IQGAP2: variants seen among roughly 807,000 people sequenced by gnomAD.
IQGAP2 encodes the protein ras GTPase-activating-like protein IQGAP2.
IQGAP2 carries 173 observed loss-of-function variants against 201.3 expected under a neutral mutation model. That is an observed-to-expected ratio of 0.86 (90% CI 0.76 to 0.98). The LOEUF is 0.98. Among genes scored for constraint, IQGAP2 ranks in the 50% least tolerant of loss-of-function variants. The pLI is 0.00. For synonymous variants in IQGAP2, 675 were observed against 673.9 expected, an observed-to-expected ratio of 1.00 and a Z score of -0.03; for missense variants, 1,687 against 1,864.8, an observed-to-expected ratio of 0.90 and a Z score of 1.76.
chr5:76,559,845 C>T (rs1163642524), intron 2 of IQGAP2, among the ~76,000 whole-genome samples: 7 of 152,098 alleles, frequency 4.6e-5, no homozygotes, highest in African/African-American at 1.7e-4. Context: ...ACATAGTCCC[C>T]ACTGAGTGTG....
At chr5:76,427,759 G>A (rs1752094386) in intron 1 of IQGAP2, among the ~76,000 whole-genome samples, 2 of 152,206 alleles carry the variant, frequency 1.3e-5, no homozygotes, top group Admixed American at 1.3e-4. Context: ...GCCACATTTA[G>A]TAGTGAGGCT....
intron 1 of IQGAP2, among the ~76,000 whole-genome samples, chr5:76,440,206 C>T (rs1752950218): frequency 6.6e-6 from 1 of 152,088 alleles, no homozygotes; most frequent in Admixed American, 6.5e-5. Flanking sequence ...AAGATTTCTG[C>T]TGAAGTTAAG....
intron 1 of IQGAP2, among the ~76,000 whole-genome samples, chr5:76,449,678 C>A (rs964601649): frequency 2.6e-5 from 4 of 152,208 alleles, no homozygotes; most frequent in African/African-American, 9.6e-5. Context: ...AATTTTCCAT[C>A]CCTGCCTAGC....
At chr5:76,586,887 G>A (rs1405099514) in intron 5 of IQGAP2, among the ~76,000 whole-genome samples, 1 of 152,228 alleles carries the variant, frequency 6.6e-6, no homozygotes, top group Non-Finnish European at 1.5e-5. Flanking sequence ...CTGCTAAGAA[G>A]TGGGTTTGAG....
chr5:76,643,385 A>G (rs922513625), intron 17 of IQGAP2, among the ~76,000 whole-genome samples: 3 of 152,236 alleles, frequency 2.0e-5, no homozygotes, highest in African/African-American at 7.2e-5. Context: ...AGAATAGATG[A>G]CTAAAAACAC....
At chr5:76,453,364 G>A (rs1454526633) in intron 1 of IQGAP2, among the ~76,000 whole-genome samples, 1 of 152,102 alleles carries the variant, frequency 6.6e-6, no homozygotes, top group Non-Finnish European at 1.5e-5. Flanking sequence ...AGAGGAATAA[G>A]TTATGTGCTG....
intron 1 of IQGAP2, among the ~76,000 whole-genome samples, chr5:76,421,902 A>T (rs184898930): frequency 6.6e-6 from 1 of 152,084 alleles, no homozygotes; most frequent in African/African-American, 2.4e-5. Context: ...ATCTTGAACA[A>T]GGTCTTAACT....
At chr5:76,471,376 A>C (rs13190337) in intron 2 of IQGAP2, among the ~76,000 whole-genome samples, 15 of 144,880 alleles carry the variant, frequency 1.0e-4, no homozygotes, top group Non-Finnish European at 2.1e-4. Flanking sequence ...AAAAAAAAAA[A>C]AAAAAAAAAA....
At chr5:76,703,441 C>G (rs1006223100) in intron 35 of IQGAP2, among the ~76,000 whole-genome samples, 51 of 152,096 alleles carry the variant, frequency 3.4e-4, no homozygotes, top group Non-Finnish European at 1.0e-4. Flanking sequence ...CAGGCATTAG[C>G]CACCACACCT....
chr5:76,485,676 T>C (rs1281894860), intron 2 of IQGAP2, among the ~76,000 whole-genome samples: 1 of 151,672 alleles, frequency 6.6e-6, no homozygotes, highest in East Asian at 1.9e-4. Context: ...GTGGCCAGAG[T>C]TGGGTGTCAG....
intron 2 of IQGAP2, among the ~76,000 whole-genome samples, chr5:76,486,450 T>A (rs887720784): frequency 6.6e-6 from 1 of 152,228 alleles, no homozygotes; most frequent in Admixed American, 6.5e-5. Context: ...ATTAATATAC[T>A]GCTTTATGTT....
intron 30 of IQGAP2, among the ~76,000 whole-genome samples, chr5:76,687,535 A>G (rs1745889210): frequency 6.6e-6 from 1 of 152,152 alleles, no homozygotes; most frequent in South Asian, 2.1e-4. Context: ...GTATCAGTCC[A>G]TGGCCTGTTA....
At chr5:76,455,368 G>T (rs1261205837) in intron 1 of IQGAP2, among the ~76,000 whole-genome samples, 1 of 149,128 alleles carries the variant, frequency 6.7e-6, no homozygotes, top group Non-Finnish European at 1.5e-5. Flanking sequence ...CATGAGAATC[G>T]CTTGAACCCA....
intron 14 of IQGAP2, chr5:76,628,652 A>C: frequency 2.2e-6 from 1 of 454,138 alleles, no homozygotes. Flanking sequence ...AGGTCAGAGA[A>C]GGTTCTTAAG....
chr5:76,484,092 C>T (rs908430490), intron 2 of IQGAP2, among the ~76,000 whole-genome samples: 7 of 151,472 alleles, frequency 4.6e-5, no homozygotes, highest in Non-Finnish European at 8.8e-5. Flanking sequence ...AGCAGGTTCT[C>T]GGTGTGGTGG....
intron 35 of IQGAP2, among the ~76,000 whole-genome samples, chr5:76,702,873 G>A (rs1337844178): frequency 1.3e-5 from 2 of 152,158 alleles, no homozygotes; most frequent in Non-Finnish European, 2.9e-5. Flanking sequence ...AAAGTATTCA[G>A]AGCTATTAAA....
At chr5:76,481,335 A>ACCTAG (rs1274909841) in intron 2 of IQGAP2, among the ~76,000 whole-genome samples, 3 of 152,182 alleles carry the variant, frequency 2.0e-5, no homozygotes, top group Non-Finnish European at 2.9e-5. Flanking sequence ...ATTTTATTTA[A>ACCTAG]CCTAGTATAT....
At chr5:76,429,663 T>A (rs946819078) in intron 1 of IQGAP2, among the ~76,000 whole-genome samples, 6 of 147,808 alleles carry the variant, frequency 4.1e-5, no homozygotes, top group Non-Finnish European at 8.9e-5. Flanking sequence ...TATGTTAAAA[T>A]TAGTTAACAT....
intron 16 of IQGAP2, among the ~76,000 whole-genome samples, chr5:76,640,501 C>T (rs1025966924): frequency 6.6e-6 from 1 of 152,210 alleles, no homozygotes; most frequent in South Asian, 2.1e-4. Flanking sequence ...TCTGCCTACT[C>T]TGGCCTGGGG....
Sources: allele counts gnomAD v4.1 joint callset (sites outside exome capture counted in the v4.1 genomes callset), GRCh38; gene constraint gnomAD v4.1.1; transcripts MANE v1.5; gene names NCBI Gene and HGNC (gene_info 2026-07-23, HGNC 2026-07-21).